DCUN1D3: variants seen among roughly 807,000 people sequenced by gnomAD.
DCUN1D3 encodes DCN1-like protein 3.
DCUN1D3 carries 6 observed loss-of-function variants against 24.8 expected under a neutral mutation model. The ratio of observed to expected loss-of-function variants is 0.24; its 90% CI spans 0.13 to 0.48. The LOEUF (loss-of-function observed/expected upper bound fraction) is 0.48, where lower values mean the gene tolerates loss of function less well. Ranked by LOEUF, DCUN1D3 falls within the 20% of genes least tolerant of loss-of-function variation. The pLI is 0.99. For synonymous variants in DCUN1D3, 120 were observed against 144.9 expected (o/e 0.83, Z 1.24); for missense variants, 258 against 379.4 (o/e 0.68, Z 2.66).
At chr16:20,896,699 T>C (rs899955562) in intron 1 of DCUN1D3, among the ~76,000 whole-genome samples, 5 of 152,224 alleles carry the variant, frequency 3.3e-5, no homozygotes, top group African/African-American at 4.8e-5. Flanking sequence ...GAGCATTTTA[T>C]GCCAAGCATC....
At position 20,881,388 on chromosome 16, in the gene DCUN1D3, C is replaced by T. The variant is rs545190703; in HGVS notation, c.-105-18745G>A. On this transcript the variant is annotated intron_variant, in intron 1 of 2. Coordinates refer to ENST00000324344, the MANE Select transcript of DCUN1D3 (RefSeq NM_173475.4). ...TGCCACTGCACTCCAGCCTGGGTGA[C>T]AGAGCAAGATCCTGTCTCAAAATAA... is the stretch of plus-strand genomic sequence containing the variant. Among the ~76,000 whole-genome samples the T allele has an allele frequency of 1.5e-3, 226 of 152,298 alleles. 1 individual carries two copies. The highest frequency in any genetic ancestry group is 2.3e-3 in the Non-Finnish European group (158 of 68,028).
intron 1 of DCUN1D3, among the ~76,000 whole-genome samples, chr16:20,883,674 A>G (rs2081855676): frequency 6.6e-6 from 1 of 152,228 alleles, no homozygotes; most frequent in African/African-American, 2.4e-5. Context: ...CAAATCAGAA[A>G]GGGGAGGAGC....
intron 1 of DCUN1D3, among the ~76,000 whole-genome samples, chr16:20,877,001 A>C (rs1225284925): frequency 6.6e-6 from 1 of 152,190 alleles, no homozygotes; most frequent in Non-Finnish European, 1.5e-5. Context: ...GGGTACAAAC[A>C]GAAGTAAGAC....
At chr16:20,864,811 T>C (rs199611837) in intron 1 of DCUN1D3, among the ~76,000 whole-genome samples, 3 of 152,020 alleles carry the variant, frequency 2.0e-5, no homozygotes, top group Non-Finnish European at 4.4e-5. Context: ...TATGCAGCCA[T>C]AAAAAAGAAC....
intron 1 of DCUN1D3, among the ~76,000 whole-genome samples, chr16:20,886,242 C>T (rs376097262): frequency 1.3e-5 from 2 of 152,084 alleles, no homozygotes; most frequent in Non-Finnish European, 2.9e-5. Flanking sequence ...GTCCTGAAAT[C>T]GGGACCTGCT....
At chr16:20,870,174 G>C (rs1420915293) in intron 1 of DCUN1D3, among the ~76,000 whole-genome samples, 1 of 152,052 alleles carries the variant, frequency 6.6e-6, no homozygotes, top group African/African-American at 2.4e-5. Context: ...TAATATTCTG[G>C]GACTACTTCA....
chr16:20,867,472 G>C (rs143320087), intron 1 of DCUN1D3, among the ~76,000 whole-genome samples: 1 of 152,206 alleles, frequency 6.6e-6, no homozygotes, highest in African/African-American at 2.4e-5. Flanking sequence ...AACGTGTGAC[G>C]TTTTTGTCCA....
intron 1 of DCUN1D3, among the ~76,000 whole-genome samples, chr16:20,866,762 T>C (rs1210555598): frequency 6.6e-6 from 1 of 152,176 alleles, no homozygotes; most frequent in East Asian, 1.9e-4. Context: ...CCCATTCCAT[T>C]GAGTGTTGAG....
rs557114177 is a variant in DCUN1D3, at chr16:20,882,378, G to A, written c.-106+17826C>T. Among the ~76,000 whole-genome samples the A allele has an allele frequency of 1.5e-3, 229 of 149,968 alleles. 1 individual carries two copies. Among genetic ancestry groups the A allele is most frequent in the African/African-American group, 5.4e-3 (221 of 40,666 alleles). Reference sequence around the variant, plus strand: ...AGCAATTCTCCTGCCTCAGCCTCCCGAGTAGCTGGGATTACAGGCATGTGC... The same window carrying A: ...AGCAATTCTCCTGCCTCAGCCTCCCAAGTAGCTGGGATTACAGGCATGTGC... On this transcript the variant is annotated intron_variant, in intron 1 of 2. Coordinates refer to ENST00000324344, the MANE Select transcript of DCUN1D3 (RefSeq NM_173475.4).
chr16:20,856,316 A>C lies in DCUN1D3; in HGVS notation c.*3570T>G, dbSNP rs1489832120. The C allele has an allele frequency of 6.6e-6, 1 of 152,146 alleles. No homozygotes were observed. Among genetic ancestry groups the C allele is most frequent in the Non-Finnish European group, 1.5e-5 (1 of 68,022 alleles). 9.4% of individuals were successfully genotyped at this position (152,146 alleles called of 1,614,324 possible). ...CCCAGTAACTCCCCACCACTGTTTA[A>C]TACAATTTGGCACAGTATATAGTAC... On this transcript the variant is annotated 3_prime_UTR_variant, in exon 3 of 3. Coordinates refer to ENST00000324344, the MANE Select transcript of DCUN1D3 (RefSeq NM_173475.4).
intron 1 of DCUN1D3, among the ~76,000 whole-genome samples, chr16:20,892,362 G>C (rs531434995): frequency 7.9e-5 from 12 of 152,150 alleles, no homozygotes; most frequent in Non-Finnish European, 1.6e-4. Context: ...GAGGGCCTGA[G>C]ACTTCCAGTG....
At chr16:20,884,830 T>C (rs959358610) in intron 1 of DCUN1D3, among the ~76,000 whole-genome samples, 2 of 152,154 alleles carry the variant, frequency 1.3e-5, no homozygotes, top group African/African-American at 4.8e-5. Context: ...AGAAACCTTG[T>C]ATTAAATAAA....
intron 1 of DCUN1D3, among the ~76,000 whole-genome samples, chr16:20,881,003 T>G (rs1567427504): frequency 6.6e-6 from 1 of 152,230 alleles, no homozygotes; most frequent in African/African-American, 2.4e-5. Context: ...CATACTCCGA[T>G]AGAGTGGTTT....
chr16:20,889,167 G>C (rs770573825), intron 1 of DCUN1D3, among the ~76,000 whole-genome samples: 12 of 148,220 alleles, frequency 8.1e-5, no homozygotes, highest in Non-Finnish European at 1.8e-4. Context: ...GGAGGTTGCA[G>C]TGAGCTGAGA....
chr16:20,876,489 C>T (rs989956073), intron 1 of DCUN1D3, among the ~76,000 whole-genome samples: 30 of 150,908 alleles, frequency 2.0e-4, no homozygotes, highest in Non-Finnish European at 4.1e-4. Context: ...TGGGAACCCT[C>T]GTATACTGTT....
chr16:20,868,499 G>A (rs1056905484), intron 1 of DCUN1D3, among the ~76,000 whole-genome samples: 2 of 152,194 alleles, frequency 1.3e-5, no homozygotes, highest in African/African-American at 2.4e-5. Flanking sequence ...ACTTTAAATC[G>A]AGGCAGTTGT....
At chr16:20,890,051 G>A (rs1325083292) in intron 1 of DCUN1D3, among the ~76,000 whole-genome samples, 1 of 152,102 alleles carries the variant, frequency 6.6e-6, no homozygotes, top group Admixed American at 6.5e-5. Context: ...ACACCAGAAG[G>A]GGCATGGAAG....
At chr16:20,889,436 C>A (rs1218598548) in intron 1 of DCUN1D3, among the ~76,000 whole-genome samples, 1 of 151,808 alleles carries the variant, frequency 6.6e-6, no homozygotes, top group Non-Finnish European at 1.5e-5. Context: ...TGGTTTCTTG[C>A]ATTAGGGAAG....
intron 1 of DCUN1D3, among the ~76,000 whole-genome samples, chr16:20,892,307 C>T (rs1370495034): frequency 1.3e-5 from 2 of 152,164 alleles, no homozygotes; most frequent in African/African-American, 4.8e-5. Context: ...ATTCCACTTA[C>T]TGAGAAGGAA....
Sources: gnomAD v4.1 joint callset for allele counts (sites outside exome capture counted in the v4.1 genomes callset) on GRCh38, gnomAD v4.1.1 for gene constraint, MANE v1.5 for transcripts, NCBI Gene and HGNC (gene_info 2026-07-23, HGNC 2026-07-21) for gene names.